PPFIA2: variants seen among roughly 807,000 people sequenced by gnomAD.
The protein encoded by PPFIA2 is liprin-alpha-2.
PPFIA2 carries 46 observed loss-of-function variants against 175.5 expected under a neutral mutation model. The observed-to-expected ratio is 0.26, with a 90% CI of 0.21 to 0.34. PPFIA2 has a LOEUF of 0.34. PPFIA2 is among the 10% of genes least tolerant of loss of function. PPFIA2 has a pLI of 1.00. For synonymous variants in PPFIA2, 568 were observed against 511.4 expected, an observed-to-expected ratio of 1.11 and a Z score of -1.49; for missense variants, 1,179 against 1,506.1, an observed-to-expected ratio of 0.78 and a Z score of 3.60.
chr12:81,270,297 G>GT (rs1242951465), intron 28 of PPFIA2, among the ~76,000 whole-genome samples: 1 of 151,950 alleles, frequency 6.6e-6, no homozygotes, highest in Non-Finnish European at 1.5e-5. Flanking sequence ...TTTTGTTCTT[G>GT]TTTTGTCTTG....
At chr12:81,512,449 A>T (rs973269608) in intron 4 of PPFIA2, 2 of 795,344 alleles carry the variant, frequency 2.5e-6, no homozygotes, top group Non-Finnish European at 3.4e-6. Context: ...CTAAATTCTA[A>T]TCTTCCTTTA....
chr12:81,341,479 C>T (rs982657932), intron 19 of PPFIA2, among the ~76,000 whole-genome samples: 5 of 151,990 alleles, frequency 3.3e-5, no homozygotes, highest in Admixed American at 6.6e-5. Context: ...TCAAGCTTTT[C>T]CAACCCACAG....
chr12:81,439,895 TA>T, intron 7 of PPFIA2, 76 bp downstream of exon 7: 1 of 1,176,040 alleles, frequency 8.5e-7, no homozygotes, highest in Non-Finnish European at 1.2e-6. Flanking sequence ...ACAGTTATAA[TA>T]AAAGTGACGT....
intron 4 of PPFIA2, among the ~76,000 whole-genome samples, chr12:81,461,785 A>G (rs2054581112): frequency 6.6e-6 from 1 of 151,698 alleles, no homozygotes. Context: ...CAAACTACCT[A>G]CTGTGCCTCA....
intron 22 of PPFIA2, among the ~76,000 whole-genome samples, chr12:81,310,085 G>C (rs2050391085): frequency 6.6e-6 from 1 of 152,070 alleles, no homozygotes; most frequent in African/African-American, 2.4e-5. Context: ...GATTGCTCTA[G>C]TGTTTCATCT....
chr12:81,369,783 A>G (rs895651778), intron 11 of PPFIA2, among the ~76,000 whole-genome samples: 1 of 151,808 alleles, frequency 6.6e-6, no homozygotes, highest in Non-Finnish European at 1.5e-5. Context: ...AACAGAACAT[A>G]GCACAGAATG....
intron 4 of PPFIA2, among the ~76,000 whole-genome samples, chr12:81,558,661 G>T (rs2069326067): frequency 1.3e-5 from 2 of 152,082 alleles, no homozygotes; most frequent in Admixed American, 1.3e-4. Context: ...TTGTTTAGGA[G>T]GACTTCCAAG....
intron 8 of PPFIA2, among the ~76,000 whole-genome samples, chr12:81,402,344 TAA>T (rs147467367): frequency 1.3e-5 from 2 of 148,564 alleles, no homozygotes; most frequent in African/African-American, 4.9e-5. Flanking sequence ...AAGTTCTCAA[TAA>T]AAAAAAAATA....
intron 3 of PPFIA2, among the ~76,000 whole-genome samples, chr12:81,752,515 A>G (rs1357948994): frequency 1.3e-5 from 2 of 152,214 alleles, no homozygotes; most frequent in East Asian, 1.9e-4. Context: ...CCAAGAAGTG[A>G]GAGTTATTAA....
At chr12:81,542,963 C>A (rs1400025002) in intron 4 of PPFIA2, among the ~76,000 whole-genome samples, 1 of 152,040 alleles carries the variant, frequency 6.6e-6, no homozygotes, top group Non-Finnish European at 1.5e-5. Context: ...CAAAAGTGGC[C>A]TAGGATTCCC....
chr12:81,458,972 G>A (rs1593301029), intron 4 of PPFIA2, among the ~76,000 whole-genome samples: 3 of 152,070 alleles, frequency 2.0e-5, no homozygotes, highest in African/African-American at 7.2e-5. Context: ...CTCCAGGGAG[G>A]CAAATTTAAT....
At chr12:81,356,969 T>A (rs1300008838) in intron 16 of PPFIA2, among the ~76,000 whole-genome samples, 4 of 152,166 alleles carry the variant, frequency 2.6e-5, no homozygotes, top group Non-Finnish European at 5.9e-5. Flanking sequence ...CCAGTGTTTT[T>A]CAAGCTGTTA....
chr12:81,709,413 G>A (rs561829206), intron 3 of PPFIA2, among the ~76,000 whole-genome samples: 1 of 151,536 alleles, frequency 6.6e-6, no homozygotes, highest in Non-Finnish European at 1.5e-5. Flanking sequence ...TTCCATTATG[G>A]AAACTACACT....
intron 4 of PPFIA2, among the ~76,000 whole-genome samples, chr12:81,559,858 CA>C (rs1289959358): frequency 1.3e-5 from 2 of 151,670 alleles, no homozygotes; most frequent in Non-Finnish European, 2.9e-5. Context: ...TCCCCCAACC[CA>C]AATAATTTGA....
chr12:81,396,391 T>G (rs1270560507), intron 8 of PPFIA2, among the ~76,000 whole-genome samples: 3 of 152,078 alleles, frequency 2.0e-5, no homozygotes, highest in African/African-American at 7.2e-5. Flanking sequence ...TAGAATATGT[T>G]ATGACATTTG....
chr12:81,571,059 C>T (rs1242799824), intron 4 of PPFIA2, among the ~76,000 whole-genome samples: 4 of 151,912 alleles, frequency 2.6e-5, no homozygotes, highest in Admixed American at 1.3e-4. Flanking sequence ...TTTTTTCATA[C>T]TGAGAATTTT....
chr12:81,556,919 T>C (rs1271607232), intron 4 of PPFIA2, among the ~76,000 whole-genome samples: 6 of 151,966 alleles, frequency 3.9e-5, no homozygotes, highest in Non-Finnish European at 7.4e-5. Context: ...TGAAAATTAA[T>C]TTTTATTTCA....
intron 14 of PPFIA2, 62 bp from the exon 15 acceptor site, chr12:81,362,846 G>T: frequency 1.1e-6 from 1 of 944,778 alleles, no homozygotes; most frequent in Non-Finnish European, 1.6e-6. Flanking sequence ...TATGATAAAT[G>T]AGTCTTAATG....
chr12:81,395,685 C>T (rs1005550423), intron 8 of PPFIA2, among the ~76,000 whole-genome samples: 2 of 152,036 alleles, frequency 1.3e-5, no homozygotes, highest in Non-Finnish European at 2.9e-5. Flanking sequence ...AATTGGGAGT[C>T]GTCATGCCAA....
Sources: allele counts gnomAD v4.1 joint callset (sites outside exome capture counted in the v4.1 genomes callset), GRCh38; gene constraint gnomAD v4.1.1; transcripts MANE v1.5; gene names NCBI Gene and HGNC (gene_info 2026-07-23, HGNC 2026-07-21).